Variants in B3GALT1 observed in about 807,000 individuals in gnomAD.
The protein encoded by B3GALT1 is beta-1,3-galactosyltransferase 1, also known as UDP-Gal:betaGlcNAc beta 1,3-galactosyltransferase, polypeptide 1.
In B3GALT1, 10 loss-of-function variants were observed where a neutral mutation model predicts 23.2. The ratio of observed to expected loss-of-function variants is 0.43; its 90% CI spans 0.27 to 0.73. The LOEUF (loss-of-function observed/expected upper bound fraction) is 0.73. B3GALT1 is among the 30% of genes least tolerant of loss of function. The pLI is 0.21. For synonymous variants in B3GALT1, 156 were observed against 141.5 expected (o/e 1.10, Z -0.73); for missense variants, 299 against 405.4 (o/e 0.74, Z 2.25).
intron 4 of B3GALT1, among the ~76,000 whole-genome samples, chr2:167,851,201 T>TAG (rs10645670): frequency 6.6e-6 from 1 of 151,340 alleles, no homozygotes; most frequent in African/African-American, 2.4e-5. Flanking sequence ...AATACACTGT[T>TAG]AGAGGTTAAA....
At chr2:167,683,379 C>G (rs1028776515) in intron 3 of B3GALT1, among the ~76,000 whole-genome samples, 5 of 152,172 alleles carry the variant, frequency 3.3e-5, no homozygotes, top group Non-Finnish European at 7.3e-5. Flanking sequence ...TGGAAGCTGT[C>G]TATAGCCCAC....
chr2:167,409,621 C>A (rs571208232), intron 1 of B3GALT1, among the ~76,000 whole-genome samples: 1 of 152,134 alleles, frequency 6.6e-6, no homozygotes, highest in East Asian at 1.9e-4. Context: ...AGGTTCTTCT[C>A]TAAGCTGGTT....
At chr2:167,674,021 C>T (rs1168652104) in intron 3 of B3GALT1, among the ~76,000 whole-genome samples, 1 of 152,064 alleles carries the variant, frequency 6.6e-6, no homozygotes, top group African/African-American at 2.4e-5. Context: ...TCTATTTATT[C>T]ATGCAAATTG....
At chr2:167,809,988 C>T (rs376574381) in intron 3 of B3GALT1, among the ~76,000 whole-genome samples, 1 of 150,768 alleles carries the variant, frequency 6.6e-6, no homozygotes, top group Non-Finnish European at 1.5e-5. Flanking sequence ...CAATGGCAGG[C>T]GCCCCTCCCC....
intron 1 of B3GALT1, among the ~76,000 whole-genome samples, chr2:167,323,535 G>T (rs1224301555): frequency 6.6e-6 from 1 of 152,044 alleles, no homozygotes; most frequent in Non-Finnish European, 1.5e-5. Context: ...AAATACAGAG[G>T]GGATACTAAG....
intron 1 of B3GALT1, among the ~76,000 whole-genome samples, chr2:167,419,697 A>C (rs939341196): frequency 2.6e-5 from 4 of 152,220 alleles, no homozygotes; most frequent in Non-Finnish European, 5.9e-5. Flanking sequence ...TAATGCACGA[A>C]GAATCATCTG....
intron 3 of B3GALT1, among the ~76,000 whole-genome samples, chr2:167,816,284 T>C (rs1332090278): frequency 6.6e-6 from 1 of 152,242 alleles, no homozygotes; most frequent in Admixed American, 6.5e-5. Flanking sequence ...CTTTCCTGCC[T>C]CTGCTTTGCT....
chr2:167,633,531 A>G (rs998031855), intron 2 of B3GALT1, among the ~76,000 whole-genome samples: 24 of 151,984 alleles, frequency 1.6e-4, no homozygotes, highest in Non-Finnish European at 3.2e-4. Flanking sequence ...CAGGGGTTGC[A>G]ATCCTAGTCT....
At chr2:167,365,026 A>G (rs527436731) in intron 1 of B3GALT1, among the ~76,000 whole-genome samples, 1 of 152,186 alleles carries the variant, frequency 6.6e-6, no homozygotes, top group Non-Finnish European at 1.5e-5. Flanking sequence ...AGCAAGAACA[A>G]TAAAAATGTG....
At position 167,516,275 on chromosome 2, in the gene B3GALT1, A is replaced by G. The variant is rs75503362; in HGVS notation, c.-410+25998A>G. ...TTAGGACTGATTTAAGAACTTACCA[A>G]TGGCCCTGACAGTATCTCATTTCCT... On this transcript the variant is annotated intron_variant, in intron 2 of 4. Coordinates refer to ENST00000392690, the MANE Select transcript of B3GALT1 (RefSeq NM_020981.4). 2.8e-3 allele frequency among the ~76,000 whole-genome samples: 428 copies of G among 152,152 alleles called. 15 individuals carry two copies. In the East Asian group the frequency reaches 0.063, roughly 22 times the overall value.
intron 2 of B3GALT1, among the ~76,000 whole-genome samples, chr2:167,497,636 T>C (rs778022767): frequency 2.7e-4 from 41 of 151,994 alleles, no homozygotes; most frequent in African/African-American, 8.7e-4. Context: ...CTGAGGGAGA[T>C]TGGAGAAGTC....
At chr2:167,825,314 C>G (rs993543043) in intron 4 of B3GALT1, among the ~76,000 whole-genome samples, 1 of 142,002 alleles carries the variant, frequency 7.0e-6, no homozygotes, top group Admixed American at 6.9e-5. Flanking sequence ...AAAAAGAAAA[C>G]AAGCAAAACT....
At chr2:167,435,515 C>T (rs1368014900) in intron 1 of B3GALT1, among the ~76,000 whole-genome samples, 1 of 132,716 alleles carries the variant, frequency 7.5e-6, no homozygotes, top group Non-Finnish European at 1.6e-5. Flanking sequence ...GAGGAGAAAT[C>T]ACAAGAACCT....
At chr2:167,595,599 G>A (rs1161451841) in intron 2 of B3GALT1, among the ~76,000 whole-genome samples, 1 of 152,106 alleles carries the variant, frequency 6.6e-6, no homozygotes, top group Non-Finnish European at 1.5e-5. Context: ...GAGTACCATG[G>A]CAACCCCTAA....
intron 1 of B3GALT1, among the ~76,000 whole-genome samples, chr2:167,362,331 T>C (rs1243630009): frequency 1.3e-5 from 2 of 152,186 alleles, no homozygotes; most frequent in Non-Finnish European, 2.9e-5. Flanking sequence ...CATTCCCCAC[T>C]TTTGCTATGC....
At chr2:167,294,886 C>T (rs1006413579) in intron 1 of B3GALT1, among the ~76,000 whole-genome samples, 2 of 152,140 alleles carry the variant, frequency 1.3e-5, no homozygotes, top group Non-Finnish European at 2.9e-5. Context: ...CAAAAATACC[C>T]AAAACCAAAC....
chr2:167,450,941 G>T (rs115915166), intron 1 of B3GALT1, among the ~76,000 whole-genome samples: 2,650 of 151,812 alleles, frequency 0.017, 84 homozygotes, highest in African/African-American at 0.061. Context: ...CGGAAACTTT[G>T]TCTTTGAGCT....
chr2:167,755,307 T>C (rs550231863), intron 3 of B3GALT1, among the ~76,000 whole-genome samples: 1 of 151,994 alleles, frequency 6.6e-6, no homozygotes, highest in Non-Finnish European at 1.5e-5. Context: ...AAGAACTTTT[T>C]CTTTCCTGGA....
At chr2:167,592,822 T>C (rs912586887) in intron 2 of B3GALT1, among the ~76,000 whole-genome samples, 17 of 152,272 alleles carry the variant, frequency 1.1e-4, no homozygotes, top group African/African-American at 4.1e-4. Flanking sequence ...GCAAGATATA[T>C]TACAGGAAAA....
Sources: gnomAD v4.1 joint callset for allele counts (sites outside exome capture counted in the v4.1 genomes callset) on GRCh38, gnomAD v4.1.1 for gene constraint, MANE v1.5 for transcripts, NCBI Gene and HGNC (gene_info 2026-07-23, HGNC 2026-07-21) for gene names.